Variants in XPR1 observed in about 807,000 individuals in gnomAD.
XPR1 encodes solute carrier family 53 member 1.
A neutral mutation model predicts 87.5 loss-of-function variants in XPR1; 28 were observed. That is an observed-to-expected ratio of 0.32 (90% CI 0.24 to 0.44). The LOEUF is 0.44. Ranked by LOEUF, XPR1 falls within the 20% of genes least tolerant of loss-of-function variation. The pLI is 1.00. For missense variants in XPR1, 559 were observed against 862.3 expected, an observed-to-expected ratio of 0.65 and a Z score of 4.41; for synonymous variants, 300 against 306.1, an observed-to-expected ratio of 0.98 and a Z score of 0.21.
intron 1 of XPR1, among the ~76,000 whole-genome samples, chr1:180,670,003 T>C (rs1355744596): frequency 1.3e-5 from 2 of 152,202 alleles, no homozygotes; most frequent in Middle Eastern, 3.2e-3. Flanking sequence ...CTTGCTGTAT[T>C]GAACCTTTAA....
In XPR1 at chr1:180,707,352, C is replaced by T. The variant is rs1043098401; in HGVS notation, c.121+24941C>T. Among the ~76,000 whole-genome samples, 81 of 152,164 alleles carry T rather than the reference C, an allele frequency of 5.3e-4. 2 individuals are homozygous for T. Among genetic ancestry groups the T allele is most frequent in the Non-Finnish European group, 1.8e-4 (12 of 68,018 alleles). ...CCTCTCCCTCCTACCCTCCACCCTC[C>T]GATAGGCTAGTGTGTGTTGCTCCCC... is the stretch of plus-strand genomic sequence containing the variant. On this transcript the variant is annotated intron_variant, in intron 2 of 14. Coordinates refer to ENST00000367590, the MANE Select transcript of XPR1 (RefSeq NM_004736.4).
At chr1:180,684,811 A>G (rs1425885906) in intron 2 of XPR1, among the ~76,000 whole-genome samples, 1 of 152,136 alleles carries the variant, frequency 6.6e-6, no homozygotes, top group Non-Finnish European at 1.5e-5. Context: ...GTGTATAACA[A>G]TGCTTGTGAT....
chr1:180,879,420 C>G (rs1474589035), intron 13 of XPR1, among the ~76,000 whole-genome samples: 1 of 152,120 alleles, frequency 6.6e-6, no homozygotes, highest in African/African-American at 2.4e-5. Flanking sequence ...GTGGGTGGGC[C>G]CTCTTCCACC....
At chr1:180,686,779 T>C (rs868462099) in intron 2 of XPR1, among the ~76,000 whole-genome samples, 4 of 152,334 alleles carry the variant, frequency 2.6e-5, no homozygotes, top group Middle Eastern at 6.8e-3. Context: ...TGACAAAAGT[T>C]AATGAAGTTA....
At chr1:180,701,171 A>ATTCCTGT (rs1375356366) in intron 2 of XPR1, among the ~76,000 whole-genome samples, 1 of 5,634 alleles carries the variant, frequency 1.8e-4, no homozygotes, top group Non-Finnish European at 3.0e-4. Flanking sequence ...AACAGGGACA[A>ATTCCTGT]TTTGACTTCC....
At chr1:180,816,214 C>T (rs886789424) in intron 7 of XPR1, among the ~76,000 whole-genome samples, 5 of 152,140 alleles carry the variant, frequency 3.3e-5, no homozygotes, top group Admixed American at 2.6e-4. Flanking sequence ...CAAGGTGAAA[C>T]CCTTCCACCT....
chr1:180,790,096 G>A (rs1283989830), intron 3 of XPR1, among the ~76,000 whole-genome samples: 1 of 152,042 alleles, frequency 6.6e-6, no homozygotes, highest in Admixed American at 6.6e-5. Context: ...TTCTGTTGAT[G>A]TATAATACCA....
intron 2 of XPR1, among the ~76,000 whole-genome samples, chr1:180,684,419 C>G (rs550613068): frequency 2.6e-5 from 4 of 152,120 alleles, no homozygotes; most frequent in Non-Finnish European, 5.9e-5. Flanking sequence ...AGTCAGGTAG[C>G]GTGATGCCTC....
intron 2 of XPR1, among the ~76,000 whole-genome samples, chr1:180,764,415 T>G (rs1261404143): frequency 6.6e-6 from 1 of 152,086 alleles, no homozygotes; most frequent in African/African-American, 2.4e-5. Context: ...AAGAGGGTAC[T>G]AAACCTGTAA....
chr1:180,806,769 C>G (rs988301921), intron 6 of XPR1, among the ~76,000 whole-genome samples: 3 of 151,938 alleles, frequency 2.0e-5, no homozygotes, highest in Non-Finnish European at 2.9e-5. Flanking sequence ...ACTGTACTTT[C>G]TTGTTTATTC....
intron 2 of XPR1, among the ~76,000 whole-genome samples, chr1:180,740,632 C>T (rs1196245396): frequency 1.3e-5 from 2 of 151,990 alleles, no homozygotes; most frequent in Non-Finnish European, 2.9e-5. Flanking sequence ...TTTGTTCTGT[C>T]TTAGTCTGAT....
intron 2 of XPR1, among the ~76,000 whole-genome samples, chr1:180,688,241 T>C (rs1368571959): frequency 6.7e-6 from 1 of 150,322 alleles, no homozygotes; most frequent in Non-Finnish European, 1.5e-5. Context: ...TTAGTAGAGA[T>C]GGGGTTTTGC....
rs968520831 is a variant in XPR1 at position 180,632,031 on chromosome 1, A to G, written c.-171A>G. 1 of 718,410 alleles carries G rather than the reference A, an allele frequency of 1.4e-6. No homozygotes were observed. Among genetic ancestry groups the G allele is most frequent in the Non-Finnish European group, 2.5e-6 (1 of 407,856 alleles). The allele number at this position is 718,410 out of a possible 1,614,324, so 44.5% of individuals were successfully genotyped here. On this transcript the variant is annotated 5_prime_UTR_variant, in exon 1 of 15. Transcript: ENST00000367590. ...GGGGAGGGGCGGGGCTATGGAGAGG[A>G]GGAGGAAGATGGCGGGCGGGCTGCT...
chr1:180,735,318 T>C (rs138679193), intron 2 of XPR1, among the ~76,000 whole-genome samples: 129 of 152,322 alleles, frequency 8.5e-4, no homozygotes, highest in African/African-American at 2.9e-3. Context: ...CCAGATTTTA[T>C]AAGAAAGAAA....
At chr1:180,843,586 A>G (rs1424740171) in intron 11 of XPR1, among the ~76,000 whole-genome samples, 1 of 151,892 alleles carries the variant, frequency 6.6e-6, no homozygotes, top group Non-Finnish European at 1.5e-5. Flanking sequence ...TGGCATTGTT[A>G]TTTTTAAATG....
intron 1 of XPR1, among the ~76,000 whole-genome samples, chr1:180,636,714 G>T (rs1654786740): frequency 6.6e-6 from 1 of 152,136 alleles, no homozygotes; most frequent in African/African-American, 2.4e-5. Context: ...GGCCCCAAAG[G>T]AGTGTGCCCA....
chr1:180,766,032 T>A (rs556058385), intron 2 of XPR1, among the ~76,000 whole-genome samples: 1 of 152,210 alleles, frequency 6.6e-6, no homozygotes, highest in Admixed American at 6.5e-5. Context: ...TGTGGTCTTA[T>A]AAGTTATCAT....
At chr1:180,717,888 T>A (rs1014505058) in intron 2 of XPR1, among the ~76,000 whole-genome samples, 1 of 152,144 alleles carries the variant, frequency 6.6e-6, no homozygotes, top group Non-Finnish European at 1.5e-5. Flanking sequence ...TTTTTGTCAT[T>A]GAAAGTAATG....
At chr1:180,723,604 A>G (rs1557974674) in intron 2 of XPR1, among the ~76,000 whole-genome samples, 1 of 152,158 alleles carries the variant, frequency 6.6e-6, no homozygotes, top group Non-Finnish European at 1.5e-5. Flanking sequence ...ATGACATAAT[A>G]TAGTCCCATT....
Sources: gnomAD v4.1 joint callset for allele counts (sites outside exome capture counted in the v4.1 genomes callset) on GRCh38, gnomAD v4.1.1 for gene constraint, MANE v1.5 for transcripts, NCBI Gene and HGNC (gene_info 2026-07-23, HGNC 2026-07-21) for gene names.